ABLIM1: variants seen among roughly 807,000 people sequenced by gnomAD.
ABLIM1 encodes actin binding LIM protein 1.
In ABLIM1, 40 loss-of-function variants were observed where a neutral mutation model predicts 107.0. The observed-to-expected ratio is 0.37, with a 90% CI of 0.29 to 0.49. ABLIM1 has a LOEUF of 0.49. ABLIM1 is among the 20% of genes least tolerant of loss of function. The pLI is 0.97. For missense variants in ABLIM1, 857 were observed against 1,008.5 expected (o/e 0.85, Z 2.04); for synonymous variants, 357 against 357.3 (o/e 1.00, Z 0.01).
chr10:114,536,286 C>T (rs1397191460), intron 6 of ABLIM1, among the ~76,000 whole-genome samples: 6 of 110,412 alleles, frequency 5.4e-5, no homozygotes, highest in South Asian at 3.3e-4. Context: ...TCACTCTTGT[C>T]GCCCAGGCTG....
intron 6 of ABLIM1, among the ~76,000 whole-genome samples, chr10:114,500,795 G>C (rs1425767568): frequency 9.2e-6 from 1 of 109,186 alleles, no homozygotes; most frequent in African/African-American, 3.8e-5. Context: ...AGGGAAGGGA[G>C]CCTACTACGT....
intron 2 of ABLIM1, among the ~76,000 whole-genome samples, chr10:114,591,936 A>G (rs1295075062): frequency 6.6e-6 from 1 of 152,170 alleles, no homozygotes; most frequent in Non-Finnish European, 1.5e-5. Flanking sequence ...TTCAGATTTG[A>G]AACTTTTGGA....
At chr10:114,681,604 ACT>A (rs1280277613) in intron 1 of ABLIM1, among the ~76,000 whole-genome samples, 3 of 152,036 alleles carry the variant, frequency 2.0e-5, no homozygotes, top group African/African-American at 7.3e-5. Context: ...TCCCCTTCTA[ACT>A]CTCTACGCCA....
At chr10:114,775,638 C>A in the ABLIM1 span, among the ~76,000 whole-genome samples, 19 of 152,284 alleles carry the variant, frequency 1.2e-4, 1 homozygote, top group Admixed American at 1.2e-3. Context: ...TACATCAAAT[C>A]ATAGTGAATG....
At chr10:114,747,954 C>T (rs201480182) in intron 1 of ABLIM1, among the ~76,000 whole-genome samples, 3 of 152,280 alleles carry the variant, frequency 2.0e-5, no homozygotes, top group African/African-American at 7.2e-5. Context: ...GCACGAGAAT[C>T]GCTTGAACTC....
intron 1 of ABLIM1, among the ~76,000 whole-genome samples, chr10:114,603,064 A>C (rs4582886): frequency 0.03 from 4,536 of 152,302 alleles, 81 homozygotes; most frequent in Middle Eastern, 0.041. Context: ...CTCCTTAAGG[A>C]ATGACATGAG....
chr10:114,605,928 T>C (rs531344233), intron 1 of ABLIM1, among the ~76,000 whole-genome samples: 15 of 152,306 alleles, frequency 9.8e-5, no homozygotes, highest in Admixed American at 2.0e-4. Context: ...GTGTTACTTT[T>C]GGAATGTCTA....
At chr10:114,451,249 T>C (rs1446733904) in intron 14 of ABLIM1, among the ~76,000 whole-genome samples, 1 of 152,208 alleles carries the variant, frequency 6.6e-6, no homozygotes, top group African/African-American at 2.4e-5. Flanking sequence ...GGTGGCTGGT[T>C]TTTCACCAGT....
intron 4 of ABLIM1, among the ~76,000 whole-genome samples, chr10:114,564,689 G>C (rs374678999): frequency 6.6e-5 from 10 of 152,140 alleles, no homozygotes; most frequent in African/African-American, 2.4e-4. Context: ...AGACGAGGGC[G>C]CTGAGTTTCT....
chr10:114,609,637 T>G (rs919067739), intron 1 of ABLIM1, among the ~76,000 whole-genome samples: 2 of 152,224 alleles, frequency 1.3e-5, no homozygotes, highest in Non-Finnish European at 2.9e-5. Context: ...TCTCTATACT[T>G]CTCAGTTCAA....
intron 1 of ABLIM1, among the ~76,000 whole-genome samples, chr10:114,703,730 A>G (rs951374539): frequency 6.6e-6 from 1 of 152,220 alleles, no homozygotes; most frequent in Non-Finnish European, 1.5e-5. Flanking sequence ...GCCTTTGTTT[A>G]CATTATGTAC....
intron 1 of ABLIM1, among the ~76,000 whole-genome samples, chr10:114,728,215 G>C (rs2081998836): frequency 6.6e-6 from 1 of 152,170 alleles, no homozygotes; most frequent in South Asian, 2.1e-4. Flanking sequence ...ACTCAAACTT[G>C]ACAATGGCAA....
chr10:114,448,352 C>A (rs1036008158), intron 14 of ABLIM1, among the ~76,000 whole-genome samples: 2 of 152,166 alleles, frequency 1.3e-5, no homozygotes, highest in African/African-American at 4.8e-5. Context: ...GTTTCACTAG[C>A]CATATTTCAA....
intron 7 of ABLIM1, among the ~76,000 whole-genome samples, chr10:114,488,300 CG>C (rs774430829): frequency 1.9e-4 from 29 of 152,084 alleles, no homozygotes; most frequent in Admixed American, 5.9e-4. Context: ...AGTTCTTAAT[CG>C]TGTCTTGTTA....
rs1054387348 is a variant in ABLIM1, at chr10:114,736,704, C to T, written c.-213+31357G>A. Reference sequence around the variant, plus strand: ...TTCATATATTTCTGCTTTTAAAACCCGATGTAATGCAATGATGCTTTAAAT... The same window carrying T: ...TTCATATATTTCTGCTTTTAAAACCTGATGTAATGCAATGATGCTTTAAAT... On this transcript the variant is annotated intron_variant, in intron 1 of 15. Coordinates refer to the ABLIM1 transcript ENST00000651092. 3.3e-5 allele frequency among the ~76,000 whole-genome samples: 5 copies of T among 152,034 alleles called. No homozygotes were observed. In the South Asian group the frequency reaches 6.2e-4, roughly 19 times the overall value.
chr10:114,674,394 G>A (rs1451825584), intron 1 of ABLIM1, among the ~76,000 whole-genome samples: 1 of 151,720 alleles, frequency 6.6e-6, no homozygotes, highest in Non-Finnish European at 1.5e-5. Flanking sequence ...TATTTTAAAT[G>A]TACATCGTAA....
At chr10:114,539,084 G>A (rs10885576) in intron 6 of ABLIM1, among the ~76,000 whole-genome samples, 61,930 of 152,196 alleles carry the variant, frequency 0.41, 13,806 homozygotes, top group Non-Finnish European at 0.51. Context: ...GGGGCTGGGC[G>A]CAGTGGCTCA....
At chr10:114,536,220 T>C (rs2065981642) in intron 6 of ABLIM1, among the ~76,000 whole-genome samples, 1 of 128,880 alleles carries the variant, frequency 7.8e-6, no homozygotes, top group Non-Finnish European at 1.6e-5. Context: ...TTTTTCCTTC[T>C]TTCTTTGTTT....
chr10:114,462,400 C>T (rs984384245), intron 12 of ABLIM1, among the ~76,000 whole-genome samples: 5 of 152,104 alleles, frequency 3.3e-5, no homozygotes, highest in Admixed American at 1.3e-4. Context: ...CAACTGAGGA[C>T]GGCTGCAGAA....
Sources: gnomAD v4.1 joint callset for allele counts (sites outside exome capture counted in the v4.1 genomes callset) on GRCh38, gnomAD v4.1.1 for gene constraint, MANE v1.5 for transcripts, NCBI Gene and HGNC (gene_info 2026-07-23, HGNC 2026-07-21) for gene names.